RAB27B: variants seen among roughly 807,000 people sequenced by gnomAD.
RAB27B encodes the protein ras-related protein Rab-27B.
In RAB27B, 15 loss-of-function variants were observed where a neutral mutation model predicts 24.6. That is an observed-to-expected ratio of 0.61 (90% CI 0.41 to 0.94). The LOEUF (loss-of-function observed/expected upper bound fraction) is 0.94, where lower values mean the gene tolerates loss of function less well. Ranked by LOEUF, RAB27B falls within the 40% of genes least tolerant of loss-of-function variation. RAB27B has a pLI of 0.00. For missense variants in RAB27B, 261 were observed against 266.8 expected (o/e 0.98, Z 0.15); for synonymous variants, 105 against 92.5 (o/e 1.14, Z -0.78).
chr18:54,867,434 TTTC>T (rs1444957261), intron 1 of RAB27B, among the ~76,000 whole-genome samples: 1 of 60,794 alleles, frequency 1.6e-5, no homozygotes, highest in Non-Finnish European at 3.9e-5. Flanking sequence ...TTTCTTTTCT[TTTC>T]TTTTCTTTTT....
chr18:54,794,328 T>C (rs1449399215), intron 2 of RAB27B, among the ~76,000 whole-genome samples: 1 of 152,192 alleles, frequency 6.6e-6, no homozygotes, highest in African/African-American at 2.4e-5. Context: ...CATTTGCATA[T>C]TTTTCTGAGT....
chr18:54,761,782 G>T (rs1476829694), intron 2 of RAB27B, among the ~76,000 whole-genome samples: 1 of 152,174 alleles, frequency 6.6e-6, no homozygotes, highest in Non-Finnish European at 1.5e-5. Context: ...CTGATGGATT[G>T]TTGATATCTG....
chr18:54,732,516 A>T (rs1309348717), intron 2 of RAB27B, among the ~76,000 whole-genome samples: 2 of 152,184 alleles, frequency 1.3e-5, no homozygotes, highest in African/African-American at 2.4e-5. Flanking sequence ...ATGGCTTATG[A>T]TTCTTAACCA....
At chr18:54,797,281 T>A (rs1271828219) in intron 2 of RAB27B, among the ~76,000 whole-genome samples, 2 of 152,214 alleles carry the variant, frequency 1.3e-5, no homozygotes, top group South Asian at 2.1e-4. Flanking sequence ...CTTCTAGCAC[T>A]TTGTGAGGCC....
At chr18:54,858,089 T>G (rs1367369282) in intron 1 of RAB27B, among the ~76,000 whole-genome samples, 1 of 152,214 alleles carries the variant, frequency 6.6e-6, no homozygotes, top group Admixed American at 6.5e-5. Flanking sequence ...TTAGCCTGTA[T>G]TCGTCATCGT....
chr18:54,789,656 GA>G (rs1003867548), intron 2 of RAB27B, among the ~76,000 whole-genome samples: 1 of 150,912 alleles, frequency 6.6e-6, no homozygotes, highest in Non-Finnish European at 1.5e-5. Context: ...CTACTGTTAG[GA>G]AAAAAAACAA....
intron 2 of RAB27B, among the ~76,000 whole-genome samples, chr18:54,805,174 C>A (rs947107916): frequency 6.6e-6 from 1 of 151,996 alleles, no homozygotes; most frequent in Non-Finnish European, 1.5e-5. Context: ...AGGCACTCTG[C>A]ACACTTCCCT....
At chr18:54,801,355 T>A (rs1354509903) in intron 2 of RAB27B, among the ~76,000 whole-genome samples, 2 of 152,132 alleles carry the variant, frequency 1.3e-5, no homozygotes, top group Non-Finnish European at 2.9e-5. Flanking sequence ...ATTCTAAAAT[T>A]CATCTTCAAC....
intron 2 of RAB27B, among the ~76,000 whole-genome samples, chr18:54,735,059 C>T (rs1197041722): frequency 6.6e-6 from 1 of 152,112 alleles, no homozygotes; most frequent in African/African-American, 2.4e-5. Flanking sequence ...AACAAAATTA[C>T]TGAGTCACAT....
At position 54,828,480 on chromosome 18, in the gene RAB27B, C is replaced by G. The variant is rs1246569039; in HGVS notation, c.-240C>G. On this transcript the variant is annotated 5_prime_UTR_variant, in exon 1 of 6. Coordinates refer to ENST00000262094, the MANE Select transcript of RAB27B (RefSeq NM_004163.4). Reference sequence around the variant, plus strand: ...GGGTGGTGCCACCAGCCCTGCCACTCGCAGTCCTGACGGGCAGGGGCTGCG... The same window carrying G: ...GGGTGGTGCCACCAGCCCTGCCACTGGCAGTCCTGACGGGCAGGGGCTGCG... 6.6e-6 allele frequency: 1 copy of G among 152,330 alleles called. No homozygotes were observed. The highest frequency in any genetic ancestry group is 1.5e-5 in the Non-Finnish European group (1 of 68,144). The allele number at this position is 152,330 out of a possible 1,614,324, so 9.4% of individuals were successfully genotyped here.
intron 2 of RAB27B, among the ~76,000 whole-genome samples, chr18:54,753,279 C>T (rs537630119): frequency 8.1e-4 from 124 of 152,248 alleles, no homozygotes; most frequent in African/African-American, 2.8e-3. Context: ...CTACAAAACT[C>T]AGAGGTGAGG....
intron 2 of RAB27B, among the ~76,000 whole-genome samples, chr18:54,739,994 T>G (rs564238911): frequency 6.6e-6 from 1 of 152,228 alleles, no homozygotes; most frequent in Non-Finnish European, 1.5e-5. Context: ...ACAAATTGTT[T>G]GTAAGATATA....
chr18:54,748,382 AT>A (rs755759678), intron 2 of RAB27B, among the ~76,000 whole-genome samples: 295 of 152,300 alleles, frequency 1.9e-3, no homozygotes, highest in Non-Finnish European at 3.4e-3. Flanking sequence ...GGGATTCACT[AT>A]GATATATGTC....
At chr18:54,778,708 T>C (rs73960623) in intron 2 of RAB27B, among the ~76,000 whole-genome samples, 11,724 of 152,242 alleles carry the variant, frequency 0.077, 660 homozygotes, top group African/African-American at 0.14. Context: ...TTTCCTTCCT[T>C]TCCATTCTTC....
At chr18:54,721,585 G>A (rs181797759) in intron 2 of RAB27B, among the ~76,000 whole-genome samples, 1 of 152,128 alleles carries the variant, frequency 6.6e-6, no homozygotes, top group Non-Finnish European at 1.5e-5. Context: ...TATGGGAGTT[G>A]GAGCAGTAAA....
At chr18:54,824,792 A>G (rs1910420715), upstream of RAB27B, among the ~76,000 whole-genome samples, 1 of 152,120 alleles carries the variant, frequency 6.6e-6, no homozygotes, top group Non-Finnish European at 1.5e-5. Context: ...TCAAATGCAC[A>G]TGTGTATCAA....
chr18:54,850,602 G>A (rs978034996), intron 1 of RAB27B, among the ~76,000 whole-genome samples: 2 of 150,826 alleles, frequency 1.3e-5, no homozygotes, highest in African/African-American at 4.9e-5. Context: ...CCTGCCTCAG[G>A]TGATCCACCT....
chr18:54,807,820 G>A (rs7236320), intron 2 of RAB27B, among the ~76,000 whole-genome samples: 34,690 of 152,098 alleles, frequency 0.23, 4,216 homozygotes, highest in East Asian at 0.41. Context: ...GAACACCACT[G>A]TGTCTGAGCT....
upstream of RAB27B, among the ~76,000 whole-genome samples, chr18:54,824,419 T>A (rs1208181232): frequency 6.6e-6 from 1 of 152,204 alleles, no homozygotes; most frequent in African/African-American, 2.4e-5. Context: ...ACAATACAAG[T>A]TTACTTCTAG....
Sources: gnomAD v4.1 joint callset for allele counts (sites outside exome capture counted in the v4.1 genomes callset) on GRCh38, gnomAD v4.1.1 for gene constraint, MANE v1.5 for transcripts, NCBI Gene and HGNC (gene_info 2026-07-23, HGNC 2026-07-21) for gene names.